Variants in ADGRL4 observed in about 807,000 individuals in gnomAD.
ADGRL4 encodes adhesion G protein-coupled receptor L4, also known as EGF, latrophilin and seven transmembrane domain containing 1.
In ADGRL4, 90 loss-of-function variants were observed where a neutral mutation model predicts 74.8. The observed-to-expected ratio is 1.20, with a 90% confidence interval of 1.02 to 1.43. The LOEUF (loss-of-function observed/expected upper bound fraction) is 1.43, where lower values mean the gene tolerates loss of function less well. Ranked by LOEUF, ADGRL4 falls within the 40% of genes most tolerant of loss-of-function variation. ADGRL4 has a pLI of 0.00. For synonymous variants in ADGRL4, 311 were observed against 279.2 expected (o/e 1.11, Z -1.14); for missense variants, 881 against 814.3 (o/e 1.08, Z -1.00).
chr1:78,939,304 T>C, intron 3 of ADGRL4, 46 bp from the exon 4 acceptor site: 1 of 1,486,604 alleles, frequency 6.7e-7, no homozygotes, highest in Non-Finnish European at 9.0e-7. Context: ...TAAAAAGTAT[T>C]TTTCCTAAGC....
At position 78,911,899 on chromosome 1, in the gene ADGRL4, G is replaced by T. The variant is rs150835341; in HGVS notation, c.1749+5735C>A. 2.7e-3 allele frequency among the ~76,000 whole-genome samples: 412 copies of T among 151,926 alleles called. 1 individual carries two copies. The highest frequency in any genetic ancestry group is 4.4e-3 in the Non-Finnish European group (300 of 67,880). On this transcript the variant is annotated intron_variant, in intron 12 of 14. Coordinates refer to ENST00000370742, the MANE Select transcript of ADGRL4 (RefSeq NM_022159.4). ...CTGCATATTAGGAACCCAAGGCTAG[G>T]CGTAGAAAAATAGCTTCAGAGAGAT...
chr1:78,927,553 T>C (rs1343706480), intron 7 of ADGRL4, among the ~76,000 whole-genome samples: 1 of 152,088 alleles, frequency 6.6e-6, no homozygotes, highest in Non-Finnish European at 1.5e-5. Flanking sequence ...TGAGTTCAAA[T>C]GTATGCCCAC....
chr1:78,994,668 A>G (rs1011836783), intron 2 of ADGRL4, among the ~76,000 whole-genome samples: 1 of 152,164 alleles, frequency 6.6e-6, no homozygotes, highest in Non-Finnish European at 1.5e-5. Flanking sequence ...GACAGATAAA[A>G]TTTTTTTAAA....
In ADGRL4 at chr1:78,917,977, C is replaced by T; in HGVS notation, c.1535G>A (p.Gly512Asp). The T allele has an allele frequency of 6.2e-7, 1 of 1,612,370 alleles. No homozygotes were observed. Among genetic ancestry groups the T allele is most frequent in the South Asian group, 1.1e-5 (1 of 91,036 alleles). Reference sequence around the variant, plus strand: ...CACAACAATGAGATAGAGATGTATGCCTTCAATGCACATCCATGCAAAAGC... The same window carrying T: ...CACAACAATGAGATAGAGATGTATGTCTTCAATGCACATCCATGCAAAAGC... ...LAAFAWMCIE[G>D]IHLYLIVVGV... The change falls in exon 11 of 15, where the codon GGC becomes GAC. Residue 512 changes from glycine to aspartate, a missense_variant. Gly to Asp is a moderately conservative substitution (Grantham distance 94). Coordinates refer to ENST00000370742, the MANE Select transcript of ADGRL4 (RefSeq NM_022159.4).
intron 8 of ADGRL4, among the ~76,000 whole-genome samples, chr1:78,925,784 G>A (rs1004682827): frequency 6.6e-6 from 1 of 152,046 alleles, no homozygotes; most frequent in African/African-American, 2.4e-5. Flanking sequence ...TATCAAACAA[G>A]GATTGGTGAA....
intron 2 of ADGRL4, among the ~76,000 whole-genome samples, chr1:78,996,018 A>G (rs1428781209): frequency 3.3e-5 from 5 of 152,214 alleles, no homozygotes; most frequent in African/African-American, 4.8e-5. Context: ...AGGATAATAG[A>G]TTAATCTAGA....
chr1:79,003,289 T>A (rs1650879997), intron 2 of ADGRL4, among the ~76,000 whole-genome samples: 1 of 151,968 alleles, frequency 6.6e-6, no homozygotes, highest in Admixed American at 6.6e-5. Context: ...TGTCAGTGAA[T>A]TAATAAAAGG....
chr1:78,937,996 G>GA lies in ADGRL4; in HGVS notation c.577-7dup, dbSNP rs774310470. The GA allele has an allele frequency of 8.7e-6, 14 of 1,601,862 alleles. No homozygotes were observed. The East Asian group carries it at 2.5e-4, about 28-fold the overall frequency. On this transcript the variant is annotated splice_polypyrimidine_tract_variant and splice_region_variant and intron_variant, in intron 5 of 14. Coordinates refer to ENST00000370742, the MANE Select transcript of ADGRL4 (RefSeq NM_022159.4). ...TTCACGGTTTTTACAAATTCCTATT[G>GA]AAAAAAAGTATGTCTTTTAGAAATG...
chr1:78,994,425 C>T (rs1650674554), intron 2 of ADGRL4, among the ~76,000 whole-genome samples: 1 of 152,124 alleles, frequency 6.6e-6, no homozygotes, highest in Non-Finnish European at 1.5e-5. Flanking sequence ...AATGGGGCAT[C>T]AACAAACCAG....
chr1:78,968,913 T>C (rs1650114385), intron 2 of ADGRL4, among the ~76,000 whole-genome samples: 1 of 152,190 alleles, frequency 6.6e-6, no homozygotes, highest in Admixed American at 6.5e-5. Context: ...GATTTTAATA[T>C]TGGAATAAAG....
intron 2 of ADGRL4, among the ~76,000 whole-genome samples, chr1:78,963,038 AT>A (rs747845065): frequency 6.6e-5 from 10 of 152,288 alleles, no homozygotes; most frequent in Middle Eastern, 3.4e-3. Context: ...AAACTGTGAG[AT>A]TCTCAAGGAA....
chr1:78,957,963 A>T (rs1184301343), intron 2 of ADGRL4, among the ~76,000 whole-genome samples: 1 of 152,134 alleles, frequency 6.6e-6, no homozygotes, highest in South Asian at 2.1e-4. Context: ...TACCATTCCA[A>T]ATATCCTGGA....
At chr1:78,938,368 A>G in intron 4 of ADGRL4, 89 bp from the exon 5 acceptor site, 1 of 1,150,514 alleles carries the variant, frequency 8.7e-7, no homozygotes, top group Non-Finnish European at 1.2e-6. Flanking sequence ...ATTTACCCTG[A>G]GGTTGGTTTC....
rs150259971 is a variant in ADGRL4, at chr1:78,956,218, T to C, written c.173-9792A>G. Among the ~76,000 whole-genome samples, 4 of 152,292 alleles carry C rather than the reference T, an allele frequency of 2.6e-5. No individual in the cohort carries two copies. In the East Asian group the frequency reaches 7.7e-4, roughly 29 times the overall value. Reference sequence around the variant, plus strand: ...TAAATATAAACTAGGATATCACTTGTTTCCCCTTTGCTTCTTGGTATAGCG... The same window carrying C: ...TAAATATAAACTAGGATATCACTTGCTTCCCCTTTGCTTCTTGGTATAGCG... On this transcript the variant is annotated intron_variant, in intron 2 of 14. Coordinates refer to ENST00000370742, the MANE Select transcript of ADGRL4 (RefSeq NM_022159.4).
intron 12 of ADGRL4, among the ~76,000 whole-genome samples, chr1:78,910,383 G>T (rs1385560924): frequency 6.6e-6 from 1 of 151,808 alleles, no homozygotes; most frequent in Admixed American, 6.6e-5. Flanking sequence ...GTTCTGGTCA[G>T]ATTTGAAAAG....
chr1:78,905,779 C>A (rs75836646), intron 12 of ADGRL4, among the ~76,000 whole-genome samples: 4,408 of 151,946 alleles, frequency 0.029, 101 homozygotes, highest in Non-Finnish European at 0.04. Context: ...GAAGGATAGA[C>A]CCTATATTTA....
chr1:78,913,195 T>C (rs111878237), intron 12 of ADGRL4, among the ~76,000 whole-genome samples: 42,941 of 151,824 alleles, frequency 0.28, 6,143 homozygotes, highest in East Asian at 0.33. Context: ...GGTGGGAGTA[T>C]AAATTAGTTC....
chr1:78,971,580 C>A (rs1308282516), intron 2 of ADGRL4, among the ~76,000 whole-genome samples: 6 of 152,186 alleles, frequency 3.9e-5, no homozygotes, highest in East Asian at 1.9e-4. Flanking sequence ...CCCTGTTTCC[C>A]TTTATTCCAT....
At chr1:78,964,713 A>T (rs1462329751) in intron 2 of ADGRL4, among the ~76,000 whole-genome samples, 2 of 152,158 alleles carry the variant, frequency 1.3e-5, no homozygotes, top group Non-Finnish European at 2.9e-5. Context: ...ACATGTCCTT[A>T]TACTCCTTAT....
Sources: allele counts gnomAD v4.1 joint callset (sites outside exome capture counted in the v4.1 genomes callset), GRCh38; gene constraint gnomAD v4.1.1; transcripts MANE v1.5; gene names NCBI Gene and HGNC (gene_info 2026-07-23, HGNC 2026-07-21).